Variants in DLG2 observed in about 807,000 individuals in gnomAD.
The protein encoded by DLG2 is disks large homolog 2.
DLG2 carries 45 observed loss-of-function variants against 132.5 expected under a neutral mutation model. The observed-to-expected ratio is 0.34, with a 90% CI of 0.27 to 0.44. DLG2 has a LOEUF of 0.44. DLG2 is among the 20% of genes least tolerant of loss of function. DLG2 has a pLI of 1.00. For synonymous variants in DLG2, 424 were observed against 419.6 expected (o/e 1.01, Z -0.13); for missense variants, 1,045 against 1,196.9 (o/e 0.87, Z 1.87).
intron 8 of DLG2, among the ~76,000 whole-genome samples, chr11:84,167,183 A>G (rs2095687684): frequency 6.6e-6 from 1 of 152,168 alleles, no homozygotes; most frequent in South Asian, 2.1e-4. Context: ...ATTTTTCTGA[A>G]CTTTATGGTT....
chr11:85,010,814 G>T (rs148122209), intron 6 of DLG2, among the ~76,000 whole-genome samples: 1 of 152,138 alleles, frequency 6.6e-6, no homozygotes, highest in Non-Finnish European at 1.5e-5. Flanking sequence ...ATTGCTTTTG[G>T]TTTCCACCGC....
intron 9 of DLG2, among the ~76,000 whole-genome samples, chr11:84,113,292 T>C (rs1323228433): frequency 1.3e-5 from 2 of 152,180 alleles, no homozygotes; most frequent in African/African-American, 2.4e-5. Flanking sequence ...TTCCATTGTA[T>C]AGTGCACATG....
chr11:84,991,508 CAAAA>C (rs760113916), intron 6 of DLG2, among the ~76,000 whole-genome samples: 5 of 108,742 alleles, frequency 4.6e-5, no homozygotes, highest in Non-Finnish European at 9.8e-5. Context: ...GACACCTTCT[CAAAA>C]AAAAAAAAAA....
intron 3 of DLG2, among the ~76,000 whole-genome samples, chr11:85,384,575 T>C (rs2086168406): frequency 6.6e-6 from 1 of 152,150 alleles, no homozygotes; most frequent in South Asian, 2.1e-4. Flanking sequence ...TGTTTTTTTG[T>C]TTGTTTGTTT....
chr11:84,002,371 G>A (rs902846487), intron 11 of DLG2, among the ~76,000 whole-genome samples: 1 of 152,168 alleles, frequency 6.6e-6, no homozygotes. Flanking sequence ...CTGTGTGGGG[G>A]TGCCCACCCG....
chr11:84,089,391 G>A (rs984236444), intron 10 of DLG2, among the ~76,000 whole-genome samples: 1 of 151,870 alleles, frequency 6.6e-6, no homozygotes, highest in African/African-American at 2.4e-5. Context: ...TCCCCTCTCT[G>A]TGTTTCCTTT....
intron 2 of DLG2, among the ~76,000 whole-genome samples, chr11:85,612,253 C>T (rs1228873440): frequency 1.3e-5 from 2 of 152,216 alleles, no homozygotes; most frequent in Non-Finnish European, 2.9e-5. Context: ...CATAGCCTTC[C>T]TATCAAAAAT....
At chr11:84,626,870 T>C (rs2099623568) in intron 6 of DLG2, among the ~76,000 whole-genome samples, 2 of 145,854 alleles carry the variant, frequency 1.4e-5, no homozygotes. Flanking sequence ...TTTTATTTTA[T>C]TTTATTTTAT....
At position 83,480,242 on chromosome 11, in the gene DLG2, C is replaced by G. The variant is rs1224897278; in HGVS notation, c.2293+3887G>C. 4 of 738,672 alleles carry G rather than the reference C, an allele frequency of 5.4e-6. No homozygotes were observed. The East Asian group carries it at 1.1e-4, about 20-fold the overall frequency. The allele number at this position is 738,672 out of a possible 1,614,324, so 45.8% of individuals were successfully genotyped here. Reference sequence around the variant, plus strand: ...CTTTCCACATCCAGTGATTTCATTTCAAGCCATTTGCTTTGAATACAGATG... The same window carrying G: ...CTTTCCACATCCAGTGATTTCATTTGAAGCCATTTGCTTTGAATACAGATG... On this transcript the variant is annotated intron_variant, in intron 22 of 27. Coordinates refer to ENST00000376104, the MANE Select transcript of DLG2 (RefSeq NM_001142699.3).
At chr11:85,514,837 T>C (rs1045585121) in intron 3 of DLG2, among the ~76,000 whole-genome samples, 2 of 151,918 alleles carry the variant, frequency 1.3e-5, no homozygotes, top group African/African-American at 4.8e-5. Context: ...AGGTTTCATA[T>C]TGGGCTCTCT....
chr11:84,207,580 A>G (rs952553733), intron 8 of DLG2, among the ~76,000 whole-genome samples: 1 of 152,168 alleles, frequency 6.6e-6, no homozygotes, highest in Non-Finnish European at 1.5e-5. Context: ...GATTACCTGG[A>G]TATCTATTGG....
At chr11:84,929,193 A>G (rs1351990241) in intron 6 of DLG2, among the ~76,000 whole-genome samples, 1 of 151,158 alleles carries the variant, frequency 6.6e-6, no homozygotes, top group African/African-American at 2.4e-5. Flanking sequence ...AGATTTATAC[A>G]GAAGCTAGAG....
chr11:84,743,189 A>C (rs894052208), intron 6 of DLG2, among the ~76,000 whole-genome samples: 1 of 152,174 alleles, frequency 6.6e-6, no homozygotes, highest in African/African-American at 2.4e-5. Context: ...ATAGAACAAT[A>C]TCAAAACCAG....
At chr11:83,744,311 T>C (rs542849553) in intron 18 of DLG2, among the ~76,000 whole-genome samples, 3 of 152,222 alleles carry the variant, frequency 2.0e-5, no homozygotes, top group Non-Finnish European at 2.9e-5. Flanking sequence ...TAAATTTCTT[T>C]CTTCTTAAAC....
At chr11:84,177,853 G>C (rs1323097305) in intron 8 of DLG2, among the ~76,000 whole-genome samples, 2 of 152,008 alleles carry the variant, frequency 1.3e-5, no homozygotes, top group Non-Finnish European at 2.9e-5. Flanking sequence ...TTATTATACT[G>C]TTCATTATTA....
At chr11:84,319,081 C>T (rs1599798869) in intron 7 of DLG2, among the ~76,000 whole-genome samples, 1 of 152,088 alleles carries the variant, frequency 6.6e-6, no homozygotes, top group African/African-American at 2.4e-5. Flanking sequence ...ATATATGAAA[C>T]TTGAACTGTT....
intron 6 of DLG2, among the ~76,000 whole-genome samples, chr11:84,738,935 A>G (rs2064227681): frequency 6.6e-6 from 1 of 152,192 alleles, no homozygotes; most frequent in Non-Finnish European, 1.5e-5. Flanking sequence ...ATTGAAAGGC[A>G]TGAAACTGTG....
rs536958222 is a variant in DLG2, at chr11:84,548,527, C to T, written c.358-13796G>A. Among the ~76,000 whole-genome samples, 11 of 148,936 alleles carry T rather than the reference C, an allele frequency of 7.4e-5. No individual in the cohort carries two copies. In the East Asian group the frequency reaches 8.3e-4, roughly 11 times the overall value. ...ATTCCCACCTATGAGTAAGAACATG[C>T]GGTGTTTGGTTTTTTGTCCTTGCGA... On this transcript the variant is annotated intron_variant, in intron 6 of 27. Coordinates refer to ENST00000376104, the MANE Select transcript of DLG2 (RefSeq NM_001142699.3).
intron 3 of DLG2, among the ~76,000 whole-genome samples, chr11:85,515,124 G>A (rs947230983): frequency 6.6e-6 from 1 of 151,834 alleles, no homozygotes; most frequent in African/African-American, 2.4e-5. Flanking sequence ...TAATTTGATT[G>A]TTGGAATATA....
Sources: allele counts gnomAD v4.1 joint callset (sites outside exome capture counted in the v4.1 genomes callset), GRCh38; gene constraint gnomAD v4.1.1; transcripts MANE v1.5; gene names NCBI Gene and HGNC (gene_info 2026-07-23, HGNC 2026-07-21).